PPARGC1A: variants seen among roughly 807,000 people sequenced by gnomAD.
The protein encoded by PPARGC1A is PPARG coactivator 1 alpha.
In PPARGC1A, 25 loss-of-function variants were observed where a neutral mutation model predicts 88.7. The ratio of observed to expected loss-of-function variants is 0.28; its 90% CI spans 0.21 to 0.39. The LOEUF (loss-of-function observed/expected upper bound fraction) is 0.39, where lower values mean the gene tolerates loss of function less well. Ranked by LOEUF, PPARGC1A falls within the 10% of genes least tolerant of loss-of-function variation. The probability of loss-of-function intolerance (pLI) is 1.00; values close to 1 mark genes in which losing one functional copy is unlikely to be tolerated. For missense variants in PPARGC1A, 880 were observed against 968.7 expected, an observed-to-expected ratio of 0.91 and a Z score of 1.22; for synonymous variants, 363 against 355.6, an observed-to-expected ratio of 1.02 and a Z score of -0.24.
At chr4:24,142,655 CAG>C in the PPARGC1A span, among the ~76,000 whole-genome samples, 1 of 150,908 alleles carries the variant, frequency 6.6e-6, no homozygotes, top group African/African-American at 2.4e-5. Flanking sequence ...GCCTGGGTGA[CAG>C]AGTGAGGCTC....
chr4:23,844,471 T>C (rs1437378931), intron 2 of PPARGC1A, among the ~76,000 whole-genome samples: 1 of 61,844 alleles, frequency 1.6e-5, no homozygotes, highest in Non-Finnish European at 2.9e-5. Flanking sequence ...ATATATTCTA[T>C]ATTAATATAT....
chr4:24,029,878 C>T, the PPARGC1A span, among the ~76,000 whole-genome samples: 120 of 152,212 alleles, frequency 7.9e-4, 2 homozygotes, highest in African/African-American at 2.7e-3. Flanking sequence ...GAGGAAAATG[C>T]CCTATATTAA....
At chr4:24,116,212 T>A in the PPARGC1A span, among the ~76,000 whole-genome samples, 6 of 152,230 alleles carry the variant, frequency 3.9e-5, no homozygotes, top group Non-Finnish European at 8.8e-5. Context: ...AGATAACTCA[T>A]TAATTTATTT....
At chr4:24,180,708 A>G in the PPARGC1A span, among the ~76,000 whole-genome samples, 4 of 152,296 alleles carry the variant, frequency 2.6e-5, no homozygotes, top group African/African-American at 7.2e-5. Flanking sequence ...GAGGTTGGGC[A>G]TGGTAAATAT....
intron 10 of PPARGC1A, among the ~76,000 whole-genome samples, chr4:23,803,068 C>T (rs578192447): frequency 4.0e-4 from 61 of 152,304 alleles, no homozygotes; most frequent in African/African-American, 1.4e-3. Flanking sequence ...AAAACTATTA[C>T]ATTTCTCATT....
chr4:24,160,797 A>C, the PPARGC1A span, among the ~76,000 whole-genome samples: 1 of 152,206 alleles, frequency 6.6e-6, no homozygotes, highest in African/African-American at 2.4e-5. Context: ...TATACTTTCC[A>C]TTTCTAGAAA....
At chr4:24,172,230 G>T in the PPARGC1A span, among the ~76,000 whole-genome samples, 1 of 152,160 alleles carries the variant, frequency 6.6e-6, no homozygotes, top group African/African-American at 2.4e-5. Context: ...CTGGGTATTT[G>T]CCACCTGGAA....
intron 2 of PPARGC1A, among the ~76,000 whole-genome samples, chr4:23,879,578 T>C (rs1420348326): frequency 6.6e-6 from 1 of 152,192 alleles, no homozygotes; most frequent in Non-Finnish European, 1.5e-5. Flanking sequence ...TCAGGGCTGA[T>C]GGAATTTTCC....
the PPARGC1A span, among the ~76,000 whole-genome samples, chr4:24,350,644 C>T: frequency 1.3e-5 from 2 of 152,198 alleles, no homozygotes; most frequent in Non-Finnish European, 2.9e-5. Flanking sequence ...ACAAAACAAA[C>T]TGTGCAATTT....
At chr4:24,396,893 G>A in the PPARGC1A span, among the ~76,000 whole-genome samples, 1 of 152,054 alleles carries the variant, frequency 6.6e-6, no homozygotes, top group Non-Finnish European at 1.5e-5. Context: ...GGTGTGATGA[G>A]GAGAGCTTTT....
At chr4:24,176,894 T>G in the PPARGC1A span, among the ~76,000 whole-genome samples, 1 of 152,170 alleles carries the variant, frequency 6.6e-6, no homozygotes, top group Non-Finnish European at 1.5e-5. Context: ...GTTCTCATCT[T>G]TTTTGAAACT....
upstream of PPARGC1A, among the ~76,000 whole-genome samples, chr4:23,892,308 G>A (rs1011441075): frequency 2.0e-5 from 3 of 152,068 alleles, no homozygotes; most frequent in Non-Finnish European, 2.9e-5. Flanking sequence ...TCACAAAGAG[G>A]ATGGAATTCA....
intron 2 of PPARGC1A, chr4:23,880,167 T>C (rs1715643308): frequency 6.6e-6 from 1 of 152,178 alleles, no homozygotes; most frequent in Non-Finnish European, 1.5e-5. Flanking sequence ...GAATATACAG[T>C]CTTGTATTGT....
the PPARGC1A span, among the ~76,000 whole-genome samples, chr4:24,245,622 C>G: frequency 1.8e-3 from 275 of 152,270 alleles, 2 homozygotes; most frequent in African/African-American, 6.4e-3. Flanking sequence ...TTTGCTGGTA[C>G]GAGGACCACA....
At chr4:24,168,918 C>T in the PPARGC1A span, among the ~76,000 whole-genome samples, 1 of 152,196 alleles carries the variant, frequency 6.6e-6, no homozygotes, top group East Asian at 1.9e-4. Context: ...TAGAGTTTAA[C>T]TGCAAGTTTT....
chr4:24,436,712 G>C, the PPARGC1A span, among the ~76,000 whole-genome samples: 1 of 140,704 alleles, frequency 7.1e-6, no homozygotes, highest in East Asian at 2.1e-4. Flanking sequence ...GGGTCACAGA[G>C]CTGACATCGA....
chr4:24,210,822 C>T, the PPARGC1A span, among the ~76,000 whole-genome samples: 4 of 152,170 alleles, frequency 2.6e-5, no homozygotes, highest in African/African-American at 7.2e-5. Context: ...GGAGCTGCGG[C>T]GCCTTCAACG....
At chr4:24,387,854 G>C in the PPARGC1A span, among the ~76,000 whole-genome samples, 3 of 129,754 alleles carry the variant, frequency 2.3e-5, no homozygotes, top group African/African-American at 8.5e-5. Context: ...GAGAGAAAGA[G>C]AGAAAGAGAG....
chr4:24,145,325 G>A, the PPARGC1A span, among the ~76,000 whole-genome samples: 38 of 152,118 alleles, frequency 2.5e-4, no homozygotes, highest in African/African-American at 8.9e-4. Flanking sequence ...ATAGCATGGT[G>A]CCTTGAGCTA....
Sources: gnomAD v4.1 joint callset for allele counts (sites outside exome capture counted in the v4.1 genomes callset) on GRCh38, gnomAD v4.1.1 for gene constraint, MANE v1.5 for transcripts, NCBI Gene and HGNC (gene_info 2026-07-23, HGNC 2026-07-21) for gene names.